Variants in ADORA1 observed in about 807,000 individuals in gnomAD.
The protein encoded by ADORA1 is adenosine receptor A1.
In ADORA1, 6 loss-of-function variants were observed where a neutral mutation model predicts 19.9. The observed-to-expected ratio is 0.30, with a 90% confidence interval of 0.17 to 0.59. The LOEUF is 0.59. ADORA1 is among the 20% of genes least tolerant of loss of function. The pLI is 0.87. For missense variants in ADORA1, 302 were observed against 439.2 expected (o/e 0.69, Z 2.79); for synonymous variants, 194 against 188.4 (o/e 1.03, Z -0.24).
At chr1:203,138,659 G>T (rs1654584447) in intron 3 of ADORA1, among the ~76,000 whole-genome samples, 1 of 152,202 alleles carries the variant, frequency 6.6e-6, no homozygotes, top group Admixed American at 6.5e-5. Flanking sequence ...AGTGATGGGG[G>T]CAACGCCTGA....
chr1:203,145,832 C>T (rs1654841723), intron 3 of ADORA1, among the ~76,000 whole-genome samples: 2 of 152,158 alleles, frequency 1.3e-5, no homozygotes, highest in African/African-American at 4.8e-5. Context: ...CTGTCTGTCT[C>T]TGTTGCGGTT....
intron 3 of ADORA1, among the ~76,000 whole-genome samples, chr1:203,137,421 G>A (rs907079517): frequency 1.6e-4 from 24 of 152,204 alleles, no homozygotes; most frequent in African/African-American, 5.6e-4. Flanking sequence ...GGGAAATGGT[G>A]AGCCATTGCA....
chr1:203,157,134 A>G (rs879831076), intron 3 of ADORA1, among the ~76,000 whole-genome samples: 18 of 152,356 alleles, frequency 1.2e-4, no homozygotes, highest in Non-Finnish European at 2.1e-4. Context: ...CATCAACTCA[A>G]AAGTCCTAAG....
At chr1:203,148,659 C>T (rs773353737) in intron 3 of ADORA1, among the ~76,000 whole-genome samples, 7 of 152,130 alleles carry the variant, frequency 4.6e-5, no homozygotes, top group African/African-American at 7.2e-5. Context: ...GTTGGTCAGG[C>T]GTTTGTGGAA....
In ADORA1 at chr1:203,136,823, G is replaced by A. The variant is rs538528586; in HGVS notation, c.341+7641G>A. ...AGGGCAGCTGATTTGTCCCTACACC[G>A]GGCCCTGGTACAGATAGACCTACTC... On this transcript the variant is annotated intron_variant, in intron 3 of 3. Coordinates refer to ENST00000337894, the MANE Select transcript of ADORA1 (RefSeq NM_000674.3). Among the ~76,000 whole-genome samples, 6 of 152,280 alleles carry A rather than the reference G, an allele frequency of 3.9e-5. No homozygotes were observed. The East Asian group carries it at 5.8e-4, about 15-fold the overall frequency.
At chr1:203,140,649 C>CAA (rs1558129584) in intron 3 of ADORA1, among the ~76,000 whole-genome samples, 11 of 152,152 alleles carry the variant, frequency 7.2e-5, no homozygotes, top group Admixed American at 2.6e-4. Flanking sequence ...TCCAGACATT[C>CAA]CCAGGTGCCT....
At chr1:203,151,619 G>A (rs943205592) in intron 3 of ADORA1, among the ~76,000 whole-genome samples, 12 of 152,196 alleles carry the variant, frequency 7.9e-5, no homozygotes, top group African/African-American at 1.2e-4. Flanking sequence ...AAGTTACTGC[G>A]CCAGCCTCAT....
chr1:203,165,213 G>C lies in ADORA1; in HGVS notation c.342-48G>C. ...CAGGCGTGCCTCAGAGGGGCCTTTC[G>C]AGGCAGCTGGGAGGCAGATCCTCAC... On this transcript the variant is annotated intron_variant, in intron 3 of 3. Transcript: ENST00000337894. The surrounding 1 kb of genome is among the most constrained non-coding windows in gnomAD (Gnocchi z 5.9). 2 of 1,599,444 alleles carry C rather than the reference G, an allele frequency of 1.3e-6. No individual in the cohort carries two copies. The highest frequency in any genetic ancestry group is 1.7e-5 in the Admixed American group (1 of 57,652).
chr1:203,164,990 A>C, intron 3 of ADORA1: 1 of 1,508,614 alleles, frequency 6.6e-7, no homozygotes, highest in Non-Finnish European at 9.0e-7. Context: ...TGAAATTCAT[A>C]AAGGAGCTCC....
chr1:203,164,878 C>T (rs76157875), intron 3 of ADORA1, among the ~76,000 whole-genome samples: 10 of 152,234 alleles, frequency 6.6e-5, no homozygotes, highest in East Asian at 1.9e-4. Context: ...CTCATTCTGC[C>T]GGTGACTTCC....
At chr1:203,132,151 T>A (rs892126673) in intron 3 of ADORA1, among the ~76,000 whole-genome samples, 4 of 152,234 alleles carry the variant, frequency 2.6e-5, no homozygotes, top group Admixed American at 2.6e-4. Context: ...TAACCTGTGG[T>A]CATTTGCATA....
intron 3 of ADORA1, among the ~76,000 whole-genome samples, chr1:203,157,479 C>T (rs907854338): frequency 6.6e-6 from 1 of 152,250 alleles, no homozygotes; most frequent in African/African-American, 2.4e-5. Context: ...ATTGGAGTCT[C>T]ATGCCTGCAG....
At chr1:203,164,383 GA>G (rs1406327758) in intron 3 of ADORA1, among the ~76,000 whole-genome samples, 1 of 152,248 alleles carries the variant, frequency 6.6e-6, no homozygotes, top group Non-Finnish European at 1.5e-5. Context: ...GCCTAGCACA[GA>G]AAGCACTCGA....
chr1:203,137,763 C>T (rs1250902212), intron 3 of ADORA1, among the ~76,000 whole-genome samples: 7 of 152,122 alleles, frequency 4.6e-5, no homozygotes, highest in Non-Finnish European at 8.8e-5. Flanking sequence ...ACCACTACCC[C>T]GATCAATATT....
chr1:203,165,463 T>TAC lies in ADORA1; in HGVS notation c.545_546dup (p.Phe183ThrfsTer25), dbSNP rs1395535803. The TAC allele has an allele frequency of 6.2e-7, 1 of 1,613,662 alleles. No homozygotes were observed. Among genetic ancestry groups the TAC allele is most frequent in the South Asian group, 1.1e-5 (1 of 91,024 alleles). Reference sequence around the variant, plus strand: ...GGTCATCAGCATGGAGTACATGGTCTACTTCAACTTCTTTGTGTGGGTGCT... The same window carrying TAC: ...GGTCATCAGCATGGAGTACATGGTCTACACTTCAACTTCTTTGTGTGGGTGCT... On this transcript the variant is annotated frameshift_variant, in exon 4 of 4. Transcript: ENST00000337894. LOFTEE classifies it high-confidence loss of function. This position sits in a 1 kb window ranked among gnomAD's most constrained non-coding sequence, Gnocchi z 5.9.
chr1:203,143,974 C>T (rs889488149), intron 3 of ADORA1, among the ~76,000 whole-genome samples: 1 of 152,166 alleles, frequency 6.6e-6, no homozygotes, highest in African/African-American at 2.4e-5. Context: ...CTCCTTCCAC[C>T]TGTACTCAAC....
At chr1:203,134,730 A>G (rs995741124) in intron 3 of ADORA1, among the ~76,000 whole-genome samples, 1 of 152,220 alleles carries the variant, frequency 6.6e-6, no homozygotes, top group Non-Finnish European at 1.5e-5. Flanking sequence ...TGGTAAAATC[A>G]CCAGTAATTC....
chr1:203,142,756 G>A (rs1654734729), intron 3 of ADORA1, among the ~76,000 whole-genome samples: 3 of 152,238 alleles, frequency 2.0e-5, no homozygotes, highest in South Asian at 2.1e-4. Flanking sequence ...TGATCCCCCC[G>A]TCTCCTGGAG....
At chr1:203,158,414 T>G (rs1003999504) in intron 3 of ADORA1, among the ~76,000 whole-genome samples, 1 of 152,232 alleles carries the variant, frequency 6.6e-6, no homozygotes, top group Non-Finnish European at 1.5e-5. Context: ...AATTCTTTAC[T>G]GTCCAAATTT....
Sources: gnomAD v4.1 joint callset for allele counts (sites outside exome capture counted in the v4.1 genomes callset) on GRCh38, gnomAD v4.1.1 for gene constraint, Gnocchi (gnomAD v3.1) non-coding constraint, MANE v1.5 for transcripts, NCBI Gene and HGNC (gene_info 2026-07-23, HGNC 2026-07-21) for gene names.